Variants in HIPK3 observed in about 807,000 individuals in gnomAD.
HIPK3 encodes the protein homeodomain interacting protein kinase 3, also known as homeodomain-interacting protein kinase 3.
HIPK3 carries 47 observed loss-of-function variants against 124.2 expected under a neutral mutation model. That is an observed-to-expected ratio of 0.38 (90% CI 0.30 to 0.48). The LOEUF (loss-of-function observed/expected upper bound fraction) is 0.48. Ranked by LOEUF, HIPK3 falls within the 20% of genes least tolerant of loss-of-function variation. The probability of loss-of-function intolerance (pLI) is 0.98; values close to 1 mark genes in which losing one functional copy is unlikely to be tolerated. For missense variants in HIPK3, 1,286 were observed against 1,454.3 expected (o/e 0.88, Z 1.88); for synonymous variants, 482 against 515.2 (o/e 0.94, Z 0.87).
intron 1 of HIPK3, among the ~76,000 whole-genome samples, chr11:33,279,225 A>T (rs1304138119): frequency 7.1e-6 from 1 of 140,002 alleles, no homozygotes; most frequent in Non-Finnish European, 1.5e-5. Flanking sequence ...GAGGCGCGAG[A>T]ATCACTTGAA....
At chr11:33,272,176 T>A (rs1432160392) in intron 1 of HIPK3, among the ~76,000 whole-genome samples, 1 of 152,098 alleles carries the variant, frequency 6.6e-6, no homozygotes, top group Non-Finnish European at 1.5e-5. Flanking sequence ...GGCAGGTGGA[T>A]CACTTGAGAT....
At chr11:33,326,823 C>T in intron 2 of HIPK3, among the ~76,000 whole-genome samples, 1 of 151,844 alleles carries the variant, frequency 6.6e-6, no homozygotes, top group East Asian at 1.9e-4. Context: ...AGGTGCGGAC[C>T]ATCACCCTGG....
intron 2 of HIPK3, among the ~76,000 whole-genome samples, chr11:33,305,146 T>G: frequency 6.6e-6 from 1 of 152,164 alleles, no homozygotes. Context: ...GATTACAGGC[T>G]TGCGCCACCA....
In HIPK3 at chr11:33,347,292, G is replaced by C; in HGVS notation, c.1898-1G>C. 6.2e-7 allele frequency: 1 copy of C among 1,609,000 alleles called. No individual in the cohort carries two copies. Among genetic ancestry groups the C allele is most frequent in the Non-Finnish European group, 8.5e-7 (1 of 1,177,140 alleles). On this transcript the variant is annotated splice_acceptor_variant, in intron 8 of 16. Transcript: ENST00000303296. LOFTEE classifies it high-confidence loss of function. ...TATTTGATAACTATTCTGTTTCACA[G>C]GTATTCCTGCAACACATGGTAAACC... is the stretch of plus-strand genomic sequence containing the variant.
At chr11:33,350,295 C>T (rs966167037) in intron 14 of HIPK3, among the ~76,000 whole-genome samples, 1 of 152,112 alleles carries the variant, frequency 6.6e-6, no homozygotes, top group African/African-American at 2.4e-5. Context: ...CTGGCTTACC[C>T]ATCCTTTGGC....
intron 14 of HIPK3, among the ~76,000 whole-genome samples, chr11:33,350,464 C>T (rs978233024): frequency 1.9e-4 from 29 of 150,314 alleles, no homozygotes; most frequent in African/African-American, 6.1e-4. Flanking sequence ...GCCAAGAGTT[C>T]GAGACCAGCC....
chr11:33,346,955 G>A (rs757286988), intron 8 of HIPK3, among the ~76,000 whole-genome samples: 7 of 152,154 alleles, frequency 4.6e-5, no homozygotes, highest in African/African-American at 9.7e-5. Flanking sequence ...TTGGGAGGCC[G>A]AGGTAGGAGG....
intron 3 of HIPK3, chr11:33,335,681 G>T (rs1373477060): frequency 6.6e-6 from 1 of 151,736 alleles, no homozygotes; most frequent in Non-Finnish European, 1.5e-5. Context: ...GAACATTTTT[G>T]TATTTGGTGG....
chr11:33,301,619 T>TAAA (rs76292557), intron 2 of HIPK3, among the ~76,000 whole-genome samples: 7 of 91,126 alleles, frequency 7.7e-5, no homozygotes, highest in Non-Finnish European at 7.0e-5. Flanking sequence ...CCCATCTCTA[T>TAAA]AAAAAAAAAA....
At chr11:33,256,746 T>C (rs1850675292), upstream of HIPK3, 3 of 981,354 alleles carry the variant, frequency 3.1e-6, no homozygotes, top group African/African-American at 1.8e-5. Context: ...GAATTACCAA[T>C]GTGGAGGTGG....
chr11:33,266,761 A>AT (rs36033003), intron 1 of HIPK3, among the ~76,000 whole-genome samples: 145 of 151,516 alleles, frequency 9.6e-4, no homozygotes, highest in Non-Finnish European at 1.5e-3. Context: ...AACTTTATTC[A>AT]TTTTTTTTTA....
Position 33,266,823 on chromosome 11 carries a change from A to G in HIPK3, c.-3+8934A>G, listed in dbSNP as rs371293580. On this transcript the variant is annotated intron_variant, in intron 1 of 16. Transcript: ENST00000303296. ...AATATTACCAGTTTTATCTTGTGAC[A>G]AGTGTTTTCATTAAGGCTAATCAGT... is the stretch of plus-strand genomic sequence containing the variant. 1.1e-4 allele frequency among the ~76,000 whole-genome samples: 17 copies of G among 152,324 alleles called. No individual in the cohort carries two copies. The East Asian group carries it at 3.3e-3, about 29-fold the overall frequency.
At chr11:33,338,320 G>A (rs1317224347) in intron 4 of HIPK3, among the ~76,000 whole-genome samples, 1 of 151,938 alleles carries the variant, frequency 6.6e-6, no homozygotes, top group Admixed American at 6.6e-5. Context: ...TGCAACCTCC[G>A]CCTCCCAGGT....
chr11:33,340,837 G>A (rs1037924426), intron 6 of HIPK3, 131 bp from the exon 7 acceptor site: 7 of 511,840 alleles, frequency 1.4e-5, no homozygotes, highest in Admixed American at 8.0e-5. Context: ...AATACTATTG[G>A]AAATAAGCAG....
chr11:33,332,050 C>T (rs1254870171), intron 3 of HIPK3, among the ~76,000 whole-genome samples: 12 of 152,108 alleles, frequency 7.9e-5, no homozygotes, highest in African/African-American at 1.4e-4. Flanking sequence ...CGAGCCACCG[C>T]GCCTGGCCAA....
intron 1 of HIPK3, among the ~76,000 whole-genome samples, chr11:33,271,731 A>G (rs1346740516): frequency 6.6e-6 from 1 of 152,252 alleles, no homozygotes; most frequent in Non-Finnish European, 1.5e-5. Context: ...GTTAGCTGTT[A>G]GTTACATATG....
rs1260254287 is a variant in HIPK3 at position 33,339,389 on chromosome 11, G to T, written c.1468G>T (p.Ala490Ser). 1.9e-6 allele frequency: 3 copies of T among 1,613,408 alleles called. No homozygotes were observed. The highest frequency in any genetic ancestry group is 1.7e-5 in the Admixed American group (1 of 60,012). The change falls in exon 6 of 17, where the codon GCT becomes TCT. Residue 490 changes from alanine to serine, a missense_variant. This residue lies in a region of HIPK3 where 251 missense variants were observed against 349.1 expected (regional missense o/e 0.72). Coordinates refer to ENST00000303296, the MANE Select transcript of HIPK3 (RefSeq NM_005734.5). Reference sequence around the variant, plus strand: ...GGATTTGGAAGGAAGTGATCTTTTGGCTGAGAAAGCTGATAGAAGAGAATT... The same window carrying T: ...GGATTTGGAAGGAAGTGATCTTTTGTCTGAGAAAGCTGATAGAAGAGAATT... ...VMDLEGSDLL[A>S]EKADRREFVS...
chr11:33,352,130 G>C lies in HIPK3; in HGVS notation c.3044-8G>C. 6.2e-7 allele frequency: 1 copy of C among 1,610,772 alleles called. No individual in the cohort carries two copies. Among genetic ancestry groups the C allele is most frequent in the South Asian group, 1.1e-5 (1 of 90,924 alleles). ...GCATAAACTCTTTAATATTTTATTC[G>C]TCGCCAGATTCTATATGCCAGCCAT... On this transcript the variant is annotated splice_polypyrimidine_tract_variant and splice_region_variant and intron_variant, in intron 15 of 16. Transcript: ENST00000303296.
chr11:33,277,445 TAA>T (rs1465116127), intron 1 of HIPK3, among the ~76,000 whole-genome samples: 2 of 152,194 alleles, frequency 1.3e-5, no homozygotes, highest in African/African-American at 4.8e-5. Flanking sequence ...GGATGCATCT[TAA>T]AATCGATGAT....
Sources: allele counts gnomAD v4.1 joint callset (sites outside exome capture counted in the v4.1 genomes callset), GRCh38; gene constraint gnomAD v4.1.1; regional missense constraint gnomAD v4.1.1; transcripts MANE v1.5; gene names NCBI Gene and HGNC (gene_info 2026-07-23, HGNC 2026-07-21).